Variants in CYTIP observed in about 807,000 individuals in gnomAD.
CYTIP encodes cytohesin-interacting protein.
A neutral mutation model predicts 43.8 loss-of-function variants in CYTIP; 26 were observed. The ratio of observed to expected loss-of-function variants is 0.59; its 90% confidence interval spans 0.44 to 0.82. The LOEUF (loss-of-function observed/expected upper bound fraction) is 0.82. Among genes scored for constraint, CYTIP ranks in the 40% least tolerant of loss-of-function variants. The pLI, the probability that CYTIP is intolerant of heterozygous loss-of-function variation, is 0.00. For missense variants in CYTIP, 426 were observed against 443.1 expected (o/e 0.96, Z 0.35); for synonymous variants, 162 against 162.9 (o/e 0.99, Z 0.04).
At position 157,438,007 on chromosome 2, in the gene CYTIP, G is replaced by A. The variant is rs545314246; in HGVS notation, c.175-3260C>T. 3.0e-4 allele frequency among the ~76,000 whole-genome samples: 46 copies of A among 152,228 alleles called. 1 individual carries two copies. Among genetic ancestry groups the A allele is most frequent in the Non-Finnish European group, 5.7e-4 (39 of 68,006 alleles). On this transcript the variant is annotated intron_variant, in intron 1 of 7. Coordinates refer to ENST00000264192, the MANE Select transcript of CYTIP (RefSeq NM_004288.5). ...ACAAATAGAACTACCATATGATCCC[G>A]CAATCCCACTACTGGGAATTCATCC...
At chr2:157,431,755 TGAGTA>T (rs1173406569) in intron 3 of CYTIP, among the ~76,000 whole-genome samples, 1 of 152,248 alleles carries the variant, frequency 6.6e-6, no homozygotes, top group Non-Finnish European at 1.5e-5. Flanking sequence ...ATCAGTGTTC[TGAGTA>T]GAGTACGTCT....
chr2:157,434,746 A>T lies in CYTIP; in HGVS notation c.176T>A (p.Leu59His). 1 of 1,611,378 alleles carries T rather than the reference A, an allele frequency of 6.2e-7. No individual in the cohort carries two copies. Among genetic ancestry groups the T allele is most frequent in the East Asian group, 2.2e-5 (1 of 44,838 alleles). ...TAAAGAACTTGATCTGGTCAAAGCA[A>T]GCTGAAAAACACAAAAGACATATAG... ...VATLPRGRKQLALTRSSSLSD... is the reference protein window; with the variant it reads ...VATLPRGRKQHALTRSSSLSD... Residue 59 changes from leucine to histidine, a missense_variant and splice_region_variant, in exon 2 of 8, where the codon CTT becomes CAT. Leu to His is a moderately conservative substitution (Grantham distance 99, BLOSUM62 -3). Transcript: ENST00000264192.
chr2:157,433,278 G>A (rs1685742650), intron 3 of CYTIP, among the ~76,000 whole-genome samples: 1 of 152,206 alleles, frequency 6.6e-6, no homozygotes, highest in African/African-American at 2.4e-5. Flanking sequence ...GATTTCACCA[G>A]TTACTGTGGT....
chr2:157,434,934 T>C (rs1685789196), intron 1 of CYTIP, among the ~76,000 whole-genome samples, 187 bp from the exon 2 acceptor site: 1 of 142,300 alleles, frequency 7.0e-6, no homozygotes. Flanking sequence ...GCCCAGCTCC[T>C]GGGAAATTGT....
chr2:157,415,596 G>T lies in CYTIP; in HGVS notation c.*81C>A. The stretch of plus-strand genomic sequence containing the variant: ...GGGATGTCAGTTTTGCAATTCTTCT[G>T]CACTTTCCCACCAAGCTGGGATCTG... On this transcript the variant is annotated 3_prime_UTR_variant, in exon 8 of 8. Transcript: ENST00000264192. 1 of 945,030 alleles carries T rather than the reference G, an allele frequency of 1.1e-6. No homozygotes were observed. Among genetic ancestry groups the T allele is most frequent in the Non-Finnish European group, 1.6e-6 (1 of 615,232 alleles). The allele number at this position is 945,030 out of a possible 1,614,324, so 58.5% of individuals were successfully genotyped here. A position where few individuals can be genotyped will look rare whatever the true frequency, so the allele number is the denominator to read the frequency against.
intron 2 of CYTIP, 96 bp from the exon 3 acceptor site, chr2:157,434,520 T>C (rs189838057): frequency 3.7e-6 from 4 of 1,079,180 alleles, no homozygotes; most frequent in African/African-American, 1.6e-5. Context: ...CAATTAAAAA[T>C]AACTGACATT....
In CYTIP at chr2:157,430,841, G is replaced by A. The variant is rs749310858; in HGVS notation, c.382+19C>T. 46 of 1,590,968 alleles carry A rather than the reference G, an allele frequency of 2.9e-5. No individual in the cohort carries two copies. The South Asian group carries it at 4.7e-4, about 16-fold the overall frequency. ...TTTCCATTTAAATGATTCCTAACAT[G>A]AGCAAAAATTTAAGTTACCAGCTTG... On this transcript the variant is annotated intron_variant, in intron 4 of 7. Coordinates refer to ENST00000264192, the MANE Select transcript of CYTIP (RefSeq NM_004288.5).
At chr2:157,424,200 A>T (rs1325304234) in intron 6 of CYTIP, among the ~76,000 whole-genome samples, 1 of 152,214 alleles carries the variant, frequency 6.6e-6, no homozygotes, top group Non-Finnish European at 1.5e-5. Context: ...AAAATAATCT[A>T]CAGATAATTC....
intron 5 of CYTIP, among the ~76,000 whole-genome samples, chr2:157,427,715 G>A (rs1215815153): frequency 1.3e-5 from 2 of 152,196 alleles, no homozygotes; most frequent in African/African-American, 2.4e-5. Flanking sequence ...TGACAATGAT[G>A]GCTGCTCTCT....
rs1290457093 is a variant in CYTIP at position 157,430,939 on chromosome 2, A to T, written c.303T>A (p.Asn101Lys). Reference sequence around the variant, plus strand: ...AAGTGAACATTTCCGAGGAGCAGGCATTCTGATTCTGGGGCCTGTAAGACT... The same window carrying T: ...AAGTGAACATTTCCGAGGAGCAGGCTTTCTGATTCTGGGGCCTGTAAGACT... ...EIQSYRPQNQ[N>K]ACSSEMFTLI... Residue 101 changes from asparagine to lysine, a missense_variant, in exon 4 of 8, where the codon AAT becomes AAA. Physicochemically the swap from Asn to Lys is moderately conservative, Grantham distance 94 (BLOSUM62 0). Transcript: ENST00000264192. 2 of 1,613,728 alleles carry T rather than the reference A, an allele frequency of 1.2e-6. No individual in the cohort carries two copies. The highest frequency in any genetic ancestry group is 8.5e-7 in the Non-Finnish European group (1 of 1,179,856).
chr2:157,434,638 T>G lies in CYTIP; in HGVS notation c.224+60A>C, dbSNP rs1685778356. 4 of 1,298,858 alleles carry G rather than the reference T, an allele frequency of 3.1e-6. No homozygotes were observed. The Admixed American group carries it at 7.2e-5, about 23-fold the overall frequency. 80.5% of individuals were successfully genotyped at this position (1,298,858 alleles called of 1,614,324 possible). ...GAGAGGAAGAGAGAGGAAAAAACAG[T>G]CTGGAGAGCTATGTTCCTAAATATT... On this transcript the variant is annotated intron_variant, in intron 2 of 7. Transcript: ENST00000264192.
At chr2:157,417,169 C>T (rs1269491811) in intron 7 of CYTIP, among the ~76,000 whole-genome samples, 2 of 152,184 alleles carry the variant, frequency 1.3e-5, no homozygotes, top group Non-Finnish European at 2.9e-5. Context: ...ACTGTTCTTT[C>T]AGATGATTTG....
chr2:157,440,383 A>C (rs149323675), intron 1 of CYTIP, among the ~76,000 whole-genome samples: 4 of 152,310 alleles, frequency 2.6e-5, no homozygotes, highest in African/African-American at 9.6e-5. Flanking sequence ...GGGCTCACAG[A>C]CTCTTCAAGA....
chr2:157,416,493 C>G (rs1401926445), intron 7 of CYTIP, among the ~76,000 whole-genome samples: 1 of 152,086 alleles, frequency 6.6e-6, no homozygotes, highest in African/African-American at 2.4e-5. Flanking sequence ...TTTAAATAAC[C>G]CTGAAACCTT....
chr2:157,437,695 T>C lies in CYTIP; in HGVS notation c.175-2948A>G, dbSNP rs565741240. 4.4e-3 allele frequency among the ~76,000 whole-genome samples: 256 copies of C among 57,730 alleles called. 2 individuals are homozygous for C. The highest frequency in any genetic ancestry group is 0.014 in the African/African-American group (241 of 17,102). 37.9% of individuals were successfully genotyped at this position (57,730 alleles called of 152,430 possible). A position where few individuals can be genotyped will look rare whatever the true frequency, so the allele number is the denominator to read the frequency against. The stretch of plus-strand genomic sequence containing the variant: ...AGCCTGGCGACAGAGTGAGACTCCA[T>C]CTCAAAAAAAAAAAGAAAAAAAAAA... On this transcript the variant is annotated intron_variant, in intron 1 of 7. Coordinates refer to ENST00000264192, the MANE Select transcript of CYTIP (RefSeq NM_004288.5).
rs564620232 is a variant in CYTIP at position 157,440,764 on chromosome 2, G to A, written c.174+3083C>T. ...TGGTACCACTGAAGTTTGTGGACTTGTTTGTCAGGTCCCTGGTTCTCACTA... is the reference window on the plus strand; with the variant it reads ...TGGTACCACTGAAGTTTGTGGACTTATTTGTCAGGTCCCTGGTTCTCACTA... On this transcript the variant is annotated intron_variant, in intron 1 of 7. Transcript: ENST00000264192. Among the ~76,000 whole-genome samples, 3 of 152,312 alleles carry A rather than the reference G, an allele frequency of 2.0e-5. No homozygotes were observed. The East Asian group carries it at 5.8e-4, about 29-fold the overall frequency.
intron 1 of CYTIP, among the ~76,000 whole-genome samples, chr2:157,440,460 T>C (rs1006575107): frequency 7.2e-5 from 11 of 152,218 alleles, no homozygotes; most frequent in African/African-American, 2.7e-4. Context: ...AAGTCTTTTC[T>C]AGTGAAATTA....
rs766844398 is a variant in CYTIP at position 157,415,802 on chromosome 2, C to T, written c.955G>A (p.Gly319Ser). Residue 319 changes from glycine to serine, a missense_variant, in exon 8 of 8, where the codon GGC becomes AGC. By Grantham distance (56) the Gly-to-Ser change is moderately conservative. Coordinates refer to ENST00000264192, the MANE Select transcript of CYTIP (RefSeq NM_004288.5). ...SSGSMSPLWE[G>S]NLSSMFGTLP... ...GTCCCAAACATGCTTGATAAGTTGCCCTCCCACAAGGGAGACATGGATCCG... is the reference window on the plus strand; with the variant it reads ...GTCCCAAACATGCTTGATAAGTTGCTCTCCCACAAGGGAGACATGGATCCG... 1.2e-6 allele frequency: 2 copies of T among 1,614,076 alleles called. No individual in the cohort carries two copies. Among genetic ancestry groups the T allele is most frequent in the Non-Finnish European group, 1.7e-6 (2 of 1,180,050 alleles).
chr2:157,431,009 A>G (rs374196538), intron 3 of CYTIP, 47 bp from the exon 4 acceptor site: 139 of 1,476,792 alleles, frequency 9.4e-5, no homozygotes, highest in Non-Finnish European at 1.2e-4. Flanking sequence ...CAACCTCAAC[A>G]TCTATTTGCC....
Sources: allele counts gnomAD v4.1 joint callset (sites outside exome capture counted in the v4.1 genomes callset), GRCh38; gene constraint gnomAD v4.1.1; transcripts MANE v1.5; gene names NCBI Gene and HGNC (gene_info 2026-07-23, HGNC 2026-07-21).